PPARA: variants seen among roughly 807,000 people sequenced by gnomAD.
The protein encoded by PPARA is peroxisome proliferator activated receptor alpha.
In PPARA, 22 loss-of-function variants were observed where a neutral mutation model predicts 42.2. The observed-to-expected ratio is 0.52, with a 90% CI of 0.37 to 0.74. The LOEUF (loss-of-function observed/expected upper bound fraction) is 0.74, where lower values mean the gene tolerates loss of function less well. Among genes scored for constraint, PPARA ranks in the 30% least tolerant of loss-of-function variants. The probability of loss-of-function intolerance (pLI) is 0.00; values close to 1 mark genes in which losing one functional copy is unlikely to be tolerated. For missense variants in PPARA, 465 were observed against 608.2 expected (o/e 0.76, Z 2.48); for synonymous variants, 242 against 239.3 (o/e 1.01, Z -0.10).
In PPARA at chr22:46,232,600, T is replaced by C. The variant is rs1424388962; in HGVS notation, c.1159+361T>C. Among the ~76,000 whole-genome samples the C allele has an allele frequency of 6.6e-6, 1 of 151,156 alleles. No individual in the cohort carries two copies. The highest frequency in any genetic ancestry group is 1.5e-5 in the Non-Finnish European group (1 of 67,828). The stretch of plus-strand genomic sequence containing the variant: ...GCCCAGGAGTTCAGGTTGCAATGAG[T>C]TATGAATGCACCACTGCACTCTAGC... On this transcript the variant is annotated intron_variant, in intron 8 of 8. Transcript: ENST00000407236. The surrounding 1 kb of genome is among the most constrained non-coding windows in gnomAD (Gnocchi z 5.3).
At chr22:46,186,372 C>A (rs1186791722) in intron 3 of PPARA, among the ~76,000 whole-genome samples, 2 of 152,136 alleles carry the variant, frequency 1.3e-5, no homozygotes, top group African/African-American at 4.8e-5. Flanking sequence ...GTGCAACACA[C>A]TTGAATAAGG....
At chr22:46,218,447 C>T (rs1211194405) in intron 6 of PPARA, 46 bp downstream of exon 6, 5 of 1,612,166 alleles carry the variant, frequency 3.1e-6, no homozygotes, top group East Asian at 2.2e-5. Context: ...TTCCTCAGTT[C>T]CCCTTCCTTG....
In PPARA at chr22:46,170,544, G is replaced by A. The variant is rs369651959; in HGVS notation, c.-126-6209G>A. On this transcript the variant is annotated intron_variant, in intron 2 of 8. Coordinates refer to ENST00000407236, the MANE Select transcript of PPARA (RefSeq NM_005036.6). ...GATTACAGGTGTGAGCCACTGCACCGGTCCTGATTTGAGTTTTTGTAAGAC... is the reference window on the plus strand; with the variant it reads ...GATTACAGGTGTGAGCCACTGCACCAGTCCTGATTTGAGTTTTTGTAAGAC... Among the ~76,000 whole-genome samples, 14 of 150,546 alleles carry A rather than the reference G, an allele frequency of 9.3e-5. No individual in the cohort carries two copies. The East Asian group carries it at 1.2e-3, about 13-fold the overall frequency.
At chr22:46,201,314 C>G (rs1932826017) in intron 4 of PPARA, among the ~76,000 whole-genome samples, 1 of 152,068 alleles carries the variant, frequency 6.6e-6, no homozygotes, top group South Asian at 2.1e-4. Flanking sequence ...GGCAAGTGAG[C>G]CCCTGAGGAC....
chr22:46,238,944 T>TCGCTTGCCTGTTTC lies in PPARA; in HGVS notation c.*3571_*3584dup, dbSNP rs1438538557. The TCGCTTGCCTGTTTC allele has an allele frequency of 2.6e-5, 4 of 152,236 alleles. No homozygotes were observed. The highest frequency in any genetic ancestry group is 4.4e-5 in the Non-Finnish European group (3 of 68,098). 9.4% of individuals were successfully genotyped at this position (152,236 alleles called of 1,614,324 possible). ...GGCTGCTGGTGCCTTTCTTCCCACC[T>TCGCTTGCCTGTTTC]CGCTTGCCTGTTTCCGCTTGACCCT... On this transcript the variant is annotated 3_prime_UTR_variant, in exon 9 of 9. Coordinates refer to ENST00000407236, the MANE Select transcript of PPARA (RefSeq NM_005036.6). The surrounding 1 kb of genome is among the most constrained non-coding windows in gnomAD (Gnocchi z 8.3).
Position 46,218,254 on chromosome 22 carries a change from C to T in PPARA, c.370-9C>T. 1 of 1,614,000 alleles carries T rather than the reference C, an allele frequency of 6.2e-7. No individual in the cohort carries two copies. The highest frequency in any genetic ancestry group is 8.5e-7 in the Non-Finnish European group (1 of 1,179,998). ...AGGTCTTTAAATCCACTGTGTATTA[C>T]CCTCACAGGGCTTCTTTCGGCGAAC... On this transcript the variant is annotated splice_polypyrimidine_tract_variant and intron_variant, in intron 5 of 8. Coordinates refer to ENST00000407236, the MANE Select transcript of PPARA (RefSeq NM_005036.6).
Position 46,163,521 on chromosome 22 carries a change from A to G in PPARA, c.-127+11551A>G, listed in dbSNP as rs1261765584. On this transcript the variant is annotated intron_variant, in intron 2 of 8. Transcript: ENST00000407236. The surrounding 1 kb of genome is among the most constrained non-coding windows in gnomAD (Gnocchi z 4.9). ...TCACCACAGTCACATAAGCGGGAAG[A>G]GCAGGCTCCTGGCTGTGGCGAGCTT... 1 of 152,268 alleles carries G rather than the reference A, an allele frequency of 6.6e-6. No homozygotes were observed. Among genetic ancestry groups the G allele is most frequent in the Non-Finnish European group, 1.5e-5 (1 of 68,062 alleles). 9.4% of individuals were successfully genotyped at this position (152,268 alleles called of 1,614,324 possible).
Position 46,221,789 on chromosome 22 carries a change from G to A in PPARA, c.711+1775G>A, listed in dbSNP as rs1415704074. Among the ~76,000 whole-genome samples, 1 of 151,874 alleles carries A rather than the reference G, an allele frequency of 6.6e-6. No individual in the cohort carries two copies. Among genetic ancestry groups the A allele is most frequent in the Non-Finnish European group, 1.5e-5 (1 of 67,968 alleles). On this transcript the variant is annotated intron_variant, in intron 7 of 8. Transcript: ENST00000407236. The surrounding 1 kb of genome is among the most constrained non-coding windows in gnomAD (Gnocchi z 5.9). ...ACTTCCAGCCTGGGCGACAAAGCCA[G>A]CTGTGTCTGGGCGCGGTGGCTCATG...
rs115942715 is a variant in PPARA, at chr22:46,177,296, A to G, written c.-43+460A>G. 9.7e-4 allele frequency among the ~76,000 whole-genome samples: 147 copies of G among 152,214 alleles called. 1 individual carries two copies. Among genetic ancestry groups the G allele is most frequent in the African/African-American group, 3.5e-3 (146 of 41,542 alleles). Reference sequence around the variant, plus strand: ...TTACTATTTTATTGAGCATTAATTAATCCCAACATTATGTCTATGTCAGGA... The same window carrying G: ...TTACTATTTTATTGAGCATTAATTAGTCCCAACATTATGTCTATGTCAGGA... On this transcript the variant is annotated intron_variant, in intron 3 of 8. Transcript: ENST00000407236.
chr22:46,186,609 G>C (rs533925582), intron 3 of PPARA, among the ~76,000 whole-genome samples: 90 of 152,300 alleles, frequency 5.9e-4, no homozygotes, highest in African/African-American at 2.0e-3. Flanking sequence ...CTGAGGTTCA[G>C]CCAGGCGTAG....
chr22:46,228,811 A>T (rs935443161), intron 7 of PPARA, among the ~76,000 whole-genome samples: 7 of 152,268 alleles, frequency 4.6e-5, no homozygotes, highest in African/African-American at 9.6e-5. Context: ...CTCATTTTTT[A>T]AAAAAATTAT....
intron 7 of PPARA, among the ~76,000 whole-genome samples, chr22:46,228,825 C>G (rs1935657334): frequency 6.6e-6 from 1 of 152,168 alleles, no homozygotes; most frequent in South Asian, 2.1e-4. Context: ...AAATTATTGG[C>G]TGGGCGTGGT....
intron 2 of PPARA, among the ~76,000 whole-genome samples, chr22:46,157,158 G>A (rs1289811848): frequency 6.6e-6 from 1 of 152,202 alleles, no homozygotes; most frequent in African/African-American, 2.4e-5. Context: ...CAGAGAGGAT[G>A]TCTTATTTAT....
chr22:46,153,931 C>G (rs1324233452), intron 2 of PPARA, among the ~76,000 whole-genome samples: 1 of 152,072 alleles, frequency 6.6e-6, no homozygotes, highest in Non-Finnish European at 1.5e-5. Flanking sequence ...CTTCTTTATA[C>G]ACTATTTTGT....
intron 5 of PPARA, among the ~76,000 whole-genome samples, chr22:46,217,603 G>C (rs1256399889): frequency 6.6e-6 from 1 of 152,102 alleles, no homozygotes; most frequent in Non-Finnish European, 1.5e-5. Flanking sequence ...ATATGGAAAT[G>C]TCACAATGCT....
Position 46,173,532 on chromosome 22 carries a change from A to G in PPARA, c.-126-3221A>G, listed in dbSNP as rs1264648812. On this transcript the variant is annotated intron_variant, in intron 2 of 8. Transcript: ENST00000407236. This position sits in a 1 kb window ranked among gnomAD's most constrained non-coding sequence, Gnocchi z 4.3. The stretch of plus-strand genomic sequence containing the variant: ...GGCAGCTGCTACATTCTGTTTGCCA[A>G]GGGGAAGAAGAAAGCTTGGAAATGG... Among the ~76,000 whole-genome samples the G allele has an allele frequency of 5.3e-5, 8 of 152,248 alleles. No homozygotes were observed. The highest frequency in any genetic ancestry group is 1.9e-4 in the African/African-American group (8 of 41,472).
chr22:46,172,994 C>A (rs1350225562), intron 2 of PPARA, among the ~76,000 whole-genome samples: 1 of 152,154 alleles, frequency 6.6e-6, no homozygotes, highest in Admixed American at 6.5e-5. Context: ...CAGAAAATTC[C>A]ATTTTTACCC....
At position 46,212,857 on chromosome 22, in the gene PPARA, G is replaced by A. The variant is rs1298612893; in HGVS notation, c.209-2316G>A. On this transcript the variant is annotated intron_variant, in intron 4 of 8. Coordinates refer to ENST00000407236, the MANE Select transcript of PPARA (RefSeq NM_005036.6). The surrounding 1 kb of genome is among the most constrained non-coding windows in gnomAD (Gnocchi z 4.2). ...CTAAAAATACAAAAATTAGCCGGGC[G>A]TGGTAATGGGCACCTGTAATCCCAG... is the stretch of plus-strand genomic sequence containing the variant. Among the ~76,000 whole-genome samples the A allele has an allele frequency of 1.3e-5, 2 of 152,098 alleles. No homozygotes were observed. The highest frequency in any genetic ancestry group is 2.4e-5 in the African/African-American group (1 of 41,416).
Sources: gnomAD v4.1 joint callset for allele counts (sites outside exome capture counted in the v4.1 genomes callset) on GRCh38, gnomAD v4.1.1 for gene constraint, Gnocchi (gnomAD v3.1) non-coding constraint, MANE v1.5 for transcripts, NCBI Gene and HGNC (gene_info 2026-07-23, HGNC 2026-07-21) for gene names.